HSF2BP: variants seen among roughly 807,000 people sequenced by gnomAD.
The protein encoded by HSF2BP is heat shock factor 2-binding protein.
A neutral mutation model predicts 35.0 loss-of-function variants in HSF2BP; 35 were observed. The ratio of observed to expected loss-of-function variants is 1.00; its 90% CI spans 0.76 to 1.32. The LOEUF (loss-of-function observed/expected upper bound fraction) is 1.32, where lower values mean the gene tolerates loss of function less well. Among genes scored for constraint, HSF2BP ranks in the 40% most tolerant of loss-of-function variants. The probability of loss-of-function intolerance (pLI) is 0.00; values close to 1 mark genes in which losing one functional copy is unlikely to be tolerated. For synonymous variants in HSF2BP, 114 were observed against 117.4 expected (o/e 0.97, Z 0.18); for missense variants, 326 against 321.7 (o/e 1.01, Z -0.10).
At chr21:43,637,361 C>A (rs73223097) in intron 4 of HSF2BP, among the ~76,000 whole-genome samples, 2,055 of 152,130 alleles carry the variant, frequency 0.014, 20 homozygotes, top group Non-Finnish European at 0.018. Context: ...AAAAGGAAAT[C>A]TAAAGAGACA....
At chr21:43,630,205 G>T in intron 6 of HSF2BP, 117 bp downstream of exon 6, 1 of 769,370 alleles carries the variant, frequency 1.3e-6, no homozygotes, top group Non-Finnish European at 2.0e-6. Context: ...AACATAATTT[G>T]TATATGCACT....
chr21:43,580,036 C>T (rs1002086356), intron 8 of HSF2BP, among the ~76,000 whole-genome samples: 1 of 152,170 alleles, frequency 6.6e-6, no homozygotes, highest in East Asian at 1.9e-4. Flanking sequence ...TAGCTCAGGG[C>T]TCTCATGAGC....
At chr21:43,593,161 G>A (rs1485218600) in intron 7 of HSF2BP, among the ~76,000 whole-genome samples, 1 of 152,160 alleles carries the variant, frequency 6.6e-6, no homozygotes, top group Admixed American at 6.6e-5. Context: ...CAGTTACAGT[G>A]GCTTCACGCA....
chr21:43,610,231 G>A (rs541499673), intron 7 of HSF2BP, among the ~76,000 whole-genome samples: 20 of 152,134 alleles, frequency 1.3e-4, no homozygotes, highest in Non-Finnish European at 2.2e-4. Context: ...CAACCTCACT[G>A]GCAATCTAAA....
rs1167990689 is a variant in HSF2BP, at chr21:43,535,703, AAAT to A, written c.797-5744_797-5742del. 3.8e-3 allele frequency among the ~76,000 whole-genome samples: 17 copies of A among 4,416 alleles called. 3 individuals are homozygous for A. Among genetic ancestry groups the A allele is most frequent in the South Asian group, 9.2e-3 (2 of 218 alleles). 2.9% of individuals were successfully genotyped at this position (4,416 alleles called of 152,430 possible). A position where few individuals can be genotyped will look rare whatever the true frequency, so the allele number is the denominator to read the frequency against. The stretch of plus-strand genomic sequence containing the variant: ...AAATAAAATAAAATAAAATAAAATA[AAAT>A]AATAAAATAAAATAAAATAAAATAA... On this transcript the variant is annotated intron_variant, in intron 8 of 8. Coordinates refer to ENST00000291560, the MANE Select transcript of HSF2BP (RefSeq NM_007031.2).
intron 7 of HSF2BP, among the ~76,000 whole-genome samples, chr21:43,610,799 C>T (rs1488699335): frequency 6.6e-6 from 1 of 152,168 alleles, no homozygotes; most frequent in Non-Finnish European, 1.5e-5. Flanking sequence ...TACTACTTCT[C>T]AAATATTTCC....
intron 7 of HSF2BP, among the ~76,000 whole-genome samples, chr21:43,604,361 CCA>C (rs1568904693): frequency 2.2e-5 from 3 of 133,680 alleles, no homozygotes; most frequent in African/African-American, 5.8e-5. Flanking sequence ...CACACACACA[CCA>C]CACAGCACGC....
intron 8 of HSF2BP, among the ~76,000 whole-genome samples, chr21:43,575,434 T>C (rs894081762): frequency 2.0e-5 from 3 of 152,228 alleles, no homozygotes; most frequent in Non-Finnish European, 4.4e-5. Flanking sequence ...AGCTCTTCAA[T>C]TGCAAGAAGT....
intron 3 of HSF2BP, among the ~76,000 whole-genome samples, chr21:43,646,231 T>C (rs2082707314): frequency 1.3e-5 from 2 of 152,178 alleles, no homozygotes; most frequent in Non-Finnish European, 2.9e-5. Context: ...CAGTTTCATT[T>C]TCTGCTCTTT....
intron 4 of HSF2BP, among the ~76,000 whole-genome samples, chr21:43,636,839 C>A (rs1041091640): frequency 2.1e-5 from 3 of 140,170 alleles, no homozygotes; most frequent in Non-Finnish European, 4.5e-5. Flanking sequence ...CTGCAGTAAG[C>A]GGAGATCACA....
intron 7 of HSF2BP, chr21:43,609,861 C>T (rs2082182157): frequency 6.6e-6 from 1 of 152,312 alleles, no homozygotes; most frequent in Non-Finnish European, 1.5e-5. Context: ...AAATGGAAGA[C>T]TGCCAAGAAA....
At chr21:43,653,348 GC>G (rs2082822441) in intron 3 of HSF2BP, among the ~76,000 whole-genome samples, 1 of 152,112 alleles carries the variant, frequency 6.6e-6, no homozygotes, top group Non-Finnish European at 1.5e-5. Context: ...CGAATAATCA[GC>G]CAGGGAGATA....
intron 3 of HSF2BP, among the ~76,000 whole-genome samples, chr21:43,655,040 T>C (rs2082847584): frequency 6.6e-6 from 1 of 152,224 alleles, no homozygotes; most frequent in Non-Finnish European, 1.5e-5. Flanking sequence ...ACAGATTTGT[T>C]TGTGGCCCTC....
chr21:43,653,772 G>A (rs558049287), intron 3 of HSF2BP, among the ~76,000 whole-genome samples: 92 of 152,264 alleles, frequency 6.0e-4, no homozygotes, highest in Middle Eastern at 3.4e-3. Context: ...TGAGGAGACC[G>A]CCAGGAGGAG....
the HSF2BP span, among the ~76,000 whole-genome samples, chr21:43,459,613 C>T: frequency 2.8e-5 from 2 of 70,556 alleles, no homozygotes; most frequent in Non-Finnish European, 5.5e-5. Context: ...AGGCTTCAGC[C>T]TCCATTTCTG....
intron 4 of HSF2BP, among the ~76,000 whole-genome samples, chr21:43,633,962 T>G (rs972735131): frequency 6.6e-6 from 1 of 152,284 alleles, no homozygotes; most frequent in East Asian, 1.9e-4. Context: ...TAACTCCTCA[T>G]GAGAATATTG....
At chr21:43,656,954 A>G (rs2147138795) in intron 2 of HSF2BP, among the ~76,000 whole-genome samples, 1 of 152,366 alleles carries the variant, frequency 6.6e-6, no homozygotes, top group East Asian at 1.9e-4. Context: ...GATGTTAAAA[A>G]TAATAAGGAC....
chr21:43,631,046 G>A (rs935794048), intron 5 of HSF2BP, among the ~76,000 whole-genome samples: 2 of 152,138 alleles, frequency 1.3e-5, no homozygotes, highest in Admixed American at 6.5e-5. Context: ...AAACTTCATG[G>A]ATGATCAAAT....
chr21:43,601,403 T>C (rs536168472), intron 7 of HSF2BP, among the ~76,000 whole-genome samples: 7 of 152,360 alleles, frequency 4.6e-5, no homozygotes, highest in African/African-American at 1.7e-4. Context: ...ATCTTTCCCA[T>C]GTTTATGAAG....
Sources: gnomAD v4.1 joint callset for allele counts (sites outside exome capture counted in the v4.1 genomes callset) on GRCh38, gnomAD v4.1.1 for gene constraint, MANE v1.5 for transcripts, NCBI Gene and HGNC (gene_info 2026-07-23, HGNC 2026-07-21) for gene names.